FSTL4: variants seen among roughly 807,000 people sequenced by gnomAD.
FSTL4 encodes the protein follistatin like 4.
Under a neutral mutation model 78.2 loss-of-function variants are expected in FSTL4, and 28 were observed. That is an observed-to-expected ratio of 0.36 (90% CI 0.27 to 0.49). The LOEUF (loss-of-function observed/expected upper bound fraction) is 0.49. Among genes scored for constraint, FSTL4 ranks in the 20% least tolerant of loss-of-function variants. The pLI, the probability that FSTL4 is intolerant of heterozygous loss-of-function variation, is 0.98. For synonymous variants in FSTL4, 422 were observed against 440.5 expected (o/e 0.96, Z 0.53); for missense variants, 922 against 1,084.9 (o/e 0.85, Z 2.11).
chr5:133,296,571 C>G (rs1044759137), intron 6 of FSTL4, among the ~76,000 whole-genome samples: 10 of 152,176 alleles, frequency 6.6e-5, no homozygotes, highest in African/African-American at 2.2e-4. Flanking sequence ...TAGGACACAT[C>G]TTCCCCCAGT....
chr5:133,625,435 T>C, the FSTL4 span, among the ~76,000 whole-genome samples: 4 of 151,576 alleles, frequency 2.6e-5, no homozygotes, highest in African/African-American at 7.3e-5. Flanking sequence ...CTTTGTTTGA[T>C]GTCTATAGAG....
At chr5:133,507,507 A>G (rs1441331512) in intron 3 of FSTL4, among the ~76,000 whole-genome samples, 3 of 150,636 alleles carry the variant, frequency 2.0e-5, no homozygotes, top group Non-Finnish European at 4.4e-5. Flanking sequence ...GATTCAAACA[A>G]CGGAGACTTG....
chr5:133,280,006 GC>G (rs1752974744), intron 6 of FSTL4, among the ~76,000 whole-genome samples: 1 of 152,228 alleles, frequency 6.6e-6, no homozygotes, highest in Non-Finnish European at 1.5e-5. Context: ...AGTGGAAGAG[GC>G]AAGGGCCTGG....
At chr5:133,834,179 T>C in the FSTL4 span, among the ~76,000 whole-genome samples, 2 of 152,218 alleles carry the variant, frequency 1.3e-5, no homozygotes, top group South Asian at 4.1e-4. Context: ...CCCATGTTGG[T>C]AAGAGGAGGG....
intron 4 of FSTL4, among the ~76,000 whole-genome samples, chr5:133,320,773 C>T (rs909311745): frequency 6.6e-6 from 1 of 152,148 alleles, no homozygotes; most frequent in Middle Eastern, 3.4e-3. Flanking sequence ...TTTGGGAGGC[C>T]GAGGCGGGCG....
Position 133,225,150 on chromosome 5 carries a change from G to A in FSTL4, c.1312C>T (p.Leu438Phe), listed in dbSNP as rs754762709. ...LFIEDSARKT[L>F]ANILWREEGL... ...GAAGCATAAACGCGTGTCGACTTAC[G>A]GGTCTTTCTAGCTGAGTCTTCAATG... The change falls in exon 10 of 16, where the codon CTT becomes TTT. Residue 438 changes from leucine to phenylalanine, a missense_variant and splice_region_variant. By Grantham distance (22) the Leu-to-Phe change is conservative (BLOSUM62 0). Coordinates refer to ENST00000265342, the MANE Select transcript of FSTL4 (RefSeq NM_015082.2). The surrounding 1 kb of genome is among the most constrained non-coding windows in gnomAD (Gnocchi z 4.6). The A allele has an allele frequency of 9.3e-6, 15 of 1,614,040 alleles. No homozygotes were observed. The highest frequency in any genetic ancestry group is 2.2e-5 in the South Asian group (2 of 91,082).
At position 133,225,936 on chromosome 5, in the gene FSTL4, C is replaced by T. The variant is rs1751319849; in HGVS notation, c.1016-117G>A. Reference sequence around the variant, plus strand: ...TGAACCCAAGTAGGTGACTGGAGTTCTGTGTTTAACCAAATTATAATAATC... The same window carrying T: ...TGAACCCAAGTAGGTGACTGGAGTTTTGTGTTTAACCAAATTATAATAATC... On this transcript the variant is annotated intron_variant, in intron 8 of 15. Transcript: ENST00000265342. This position sits in a 1 kb window ranked among gnomAD's most constrained non-coding sequence, Gnocchi z 4.6. The T allele has an allele frequency of 1.5e-6, 1 of 646,164 alleles. No individual in the cohort carries two copies. The highest frequency in any genetic ancestry group is 2.9e-5 in the South Asian group (1 of 34,208). The allele number at this position is 646,164 out of a possible 1,614,324, so 40.0% of individuals were successfully genotyped here.
intron 13 of FSTL4, among the ~76,000 whole-genome samples, chr5:133,211,749 C>T (rs1750732394): frequency 6.6e-6 from 1 of 152,194 alleles, no homozygotes; most frequent in Non-Finnish European, 1.5e-5. Flanking sequence ...TTCTCCTCTT[C>T]ATTCTGACTT....
At chr5:133,469,893 T>C (rs1025789186) in intron 3 of FSTL4, among the ~76,000 whole-genome samples, 40 of 151,628 alleles carry the variant, frequency 2.6e-4, no homozygotes, top group Admixed American at 1.9e-3. Flanking sequence ...ACAGTCAAGA[T>C]AAGGATGGGG....
intron 11 of FSTL4, among the ~76,000 whole-genome samples, chr5:133,222,479 C>T (rs758415665): frequency 6.6e-6 from 1 of 152,184 alleles, no homozygotes; most frequent in Non-Finnish European, 1.5e-5. Flanking sequence ...AACCTAGGGG[C>T]CAGAGGGGTC....
chr5:133,694,725 T>C, the FSTL4 span, among the ~76,000 whole-genome samples: 1 of 151,828 alleles, frequency 6.6e-6, no homozygotes, highest in Non-Finnish European at 1.5e-5. Context: ...ACCACAGAAA[T>C]TTATTTCTCA....
At chr5:133,837,272 T>G in the FSTL4 span, among the ~76,000 whole-genome samples, 1 of 152,062 alleles carries the variant, frequency 6.6e-6, no homozygotes, top group East Asian at 1.9e-4. Context: ...TTCTATTTGA[T>G]TATATAGTTT....
intron 3 of FSTL4, among the ~76,000 whole-genome samples, chr5:133,525,223 G>A (rs755826602): frequency 2.6e-5 from 4 of 152,114 alleles, no homozygotes; most frequent in Non-Finnish European, 5.9e-5. Flanking sequence ...CGCTTATCAC[G>A]CACATTCCAC....
At chr5:133,570,988 C>A (rs1760142457) in intron 2 of FSTL4, among the ~76,000 whole-genome samples, 1 of 151,948 alleles carries the variant, frequency 6.6e-6, no homozygotes, top group Non-Finnish European at 1.5e-5. Flanking sequence ...AAAAGGAAAC[C>A]AGAAAGAAGT....
At chr5:133,655,188 T>C in the FSTL4 span, among the ~76,000 whole-genome samples, 1 of 152,192 alleles carries the variant, frequency 6.6e-6, no homozygotes, top group Non-Finnish European at 1.5e-5. Flanking sequence ...TTCCTTCTTT[T>C]CACCTTCTCC....
chr5:133,690,520 A>C, the FSTL4 span, among the ~76,000 whole-genome samples: 1 of 152,096 alleles, frequency 6.6e-6, no homozygotes, highest in Admixed American at 6.6e-5. Flanking sequence ...GCAGTTGATC[A>C]CAGTTCTTAG....
rs1379056796 is a variant in FSTL4, at chr5:133,421,307, A to G, written c.161-20321T>C. On this transcript the variant is annotated intron_variant, in intron 3 of 15. Transcript: ENST00000265342. ...TGGTACAGGGGTTGCAAGCTGTTGG[A>G]TGTTGTCTGTCTGTAGAGGGTTGGG... Among the ~76,000 whole-genome samples the G allele has an allele frequency of 2.0e-5, 3 of 152,182 alleles. No homozygotes were observed. The East Asian group carries it at 5.8e-4, about 29-fold the overall frequency.
chr5:133,817,943 C>A, the FSTL4 span, among the ~76,000 whole-genome samples: 1 of 152,236 alleles, frequency 6.6e-6, no homozygotes, highest in Non-Finnish European at 1.5e-5. Context: ...TGAGAATACA[C>A]ATGACATGTT....
At chr5:133,631,940 T>G in the FSTL4 span, among the ~76,000 whole-genome samples, 1 of 151,554 alleles carries the variant, frequency 6.6e-6, no homozygotes, top group Non-Finnish European at 1.5e-5. Context: ...TAAGTGGGAG[T>G]TGAACAATGA....
Sources: allele counts gnomAD v4.1 joint callset (sites outside exome capture counted in the v4.1 genomes callset), GRCh38; gene constraint gnomAD v4.1.1; non-coding constraint Gnocchi (gnomAD v3.1); transcripts MANE v1.5; gene names NCBI Gene and HGNC (gene_info 2026-07-23, HGNC 2026-07-21).